The following PI4KA variants were observed in gnomAD, a reference collection of about 807,000 sequenced individuals.
PI4KA encodes the protein phosphatidylinositol 4-kinase alpha, also known as PI4-kinase alpha.
Under a neutral mutation model 271.4 loss-of-function variants are expected in PI4KA, and 122 were observed. That is an observed-to-expected ratio of 0.45 (90% CI 0.39 to 0.52). The LOEUF is 0.52. Ranked by LOEUF, PI4KA falls within the 20% of genes least tolerant of loss-of-function variation. The probability of loss-of-function intolerance (pLI) is 0.00; values close to 1 mark genes in which losing one functional copy is unlikely to be tolerated. For synonymous variants in PI4KA, 1,041 were observed against 1,078.8 expected (o/e 0.96, Z 0.69); for missense variants, 1,969 against 2,769.1 (o/e 0.71, Z 6.48).
intron 27 of PI4KA, among the ~76,000 whole-genome samples, chr22:20,751,003 G>A (rs1391824435): frequency 6.6e-6 from 1 of 152,218 alleles, no homozygotes; most frequent in Admixed American, 6.5e-5. Context: ...TAAACTGGCT[G>A]GTAGCTGAAG....
intron 19 of PI4KA, among the ~76,000 whole-genome samples, chr22:20,789,473 G>A (rs961929714): frequency 6.6e-6 from 1 of 152,192 alleles, no homozygotes; most frequent in Non-Finnish European, 1.5e-5. Flanking sequence ...GGGACTACAG[G>A]CACGTGCCAC....
chr22:20,764,656 A>G, intron 22 of PI4KA, 161 bp downstream of exon 22: 1 of 616,244 alleles, frequency 1.6e-6, no homozygotes, highest in South Asian at 2.3e-5. Flanking sequence ...GTCATGAAGG[A>G]GGGGCATACG....
intron 42 of PI4KA, among the ~76,000 whole-genome samples, chr22:20,723,995 C>A (rs971904762): frequency 6.6e-6 from 1 of 151,792 alleles, no homozygotes; most frequent in Non-Finnish European, 1.5e-5. Context: ...CCCGCCATCA[C>A]ACCTGGCTAA....
At chr22:20,799,939 G>A (rs1935203052) in intron 14 of PI4KA, among the ~76,000 whole-genome samples, 173 bp from the exon 15 acceptor site, 1 of 152,168 alleles carries the variant, frequency 6.6e-6, no homozygotes, top group Non-Finnish European at 1.5e-5. Flanking sequence ...TCCAGATTTT[G>A]CCCACTTGAT....
chr22:20,847,327 TA>T (rs1926394995), intron 1 of PI4KA, among the ~76,000 whole-genome samples: 1 of 151,962 alleles, frequency 6.6e-6, no homozygotes, highest in Admixed American at 6.6e-5. Flanking sequence ...AAAACAACTG[TA>T]ATAATCCCAG....
chr22:20,751,487 C>G, intron 26 of PI4KA, 111 bp from the exon 27 acceptor site: 1 of 1,025,298 alleles, frequency 9.8e-7, no homozygotes, highest in Non-Finnish European at 1.5e-6. Context: ...GGCCTCCATA[C>G]TTGATGCAAC....
chr22:20,781,935 T>G (rs556264866), intron 19 of PI4KA, among the ~76,000 whole-genome samples: 6 of 152,342 alleles, frequency 3.9e-5, no homozygotes, highest in Admixed American at 3.3e-4. Context: ...CCATAAGCGA[T>G]GGCAATGCAA....
In PI4KA at chr22:20,751,122, C is replaced by G. The variant is rs986177419; in HGVS notation, c.3153+171G>C. 4.6e-5 allele frequency among the ~76,000 whole-genome samples: 7 copies of G among 152,044 alleles called. No individual in the cohort carries two copies. The East Asian group carries it at 1.3e-3, about 29-fold the overall frequency. The stretch of plus-strand genomic sequence containing the variant: ...GGGGGCAGCCAGCTCCCCTTGCACT[C>G]GGTGGAGCCTGGCAATGGCTTGGTC... On this transcript the variant is annotated intron_variant, in intron 27 of 54. Transcript: ENST00000255882.
At chr22:20,786,316 C>T (rs552601640) in intron 19 of PI4KA, among the ~76,000 whole-genome samples, 13 of 152,254 alleles carry the variant, frequency 8.5e-5, no homozygotes, top group South Asian at 2.1e-4. Context: ...TTCATGGATG[C>T]CAGCTGGAGA....
intron 29 of PI4KA, 50 bp from the exon 30 acceptor site, chr22:20,744,770 T>C (rs762124582): frequency 6.9e-7 from 1 of 1,459,146 alleles, no homozygotes; most frequent in East Asian, 2.3e-5. Flanking sequence ...TATCCTTTCC[T>C]CGTGTTTACC....
In PI4KA at chr22:20,753,189, A is replaced by G. The variant is rs1403195011; in HGVS notation, c.2792-9T>C. On this transcript the variant is annotated splice_polypyrimidine_tract_variant and intron_variant, in intron 23 of 54. Coordinates refer to ENST00000255882, the MANE Select transcript of PI4KA (RefSeq NM_058004.4). The stretch of plus-strand genomic sequence containing the variant: ...CACACACTGCATCATCCCTGAAACG[A>G]GAAGGTTTCCATGGATAAGGTGCAG... The G allele has an allele frequency of 6.2e-7, 1 of 1,611,418 alleles. No homozygotes were observed. Among genetic ancestry groups the G allele is most frequent in the Non-Finnish European group, 8.5e-7 (1 of 1,178,938 alleles).
At chr22:20,857,523 C>T (rs1009326820) in intron 1 of PI4KA, among the ~76,000 whole-genome samples, 2 of 152,198 alleles carry the variant, frequency 1.3e-5, no homozygotes, top group Admixed American at 1.3e-4. Context: ...CGGAAAACAT[C>T]CTCTCTCCAT....
In PI4KA at chr22:20,779,685, C is replaced by T. The variant is rs763575491; in HGVS notation, c.2328+13508G>A. The T allele has an allele frequency of 3.2e-5, 51 of 1,614,042 alleles. No individual in the cohort carries two copies. The Middle Eastern group carries it at 6.6e-4, about 21-fold the overall frequency. On this transcript the variant is annotated intron_variant, in intron 19 of 54. Coordinates refer to ENST00000255882, the MANE Select transcript of PI4KA (RefSeq NM_058004.4). ...TTTTCATGGCAAGAGCCGGATCCAG[C>T]GTCTTAACATCCTCAACGCCAAGTT...
At chr22:20,808,581 C>G (rs1252823379) in intron 9 of PI4KA, among the ~76,000 whole-genome samples, 1 of 128,248 alleles carries the variant, frequency 7.8e-6, no homozygotes, top group Admixed American at 8.1e-5. Context: ...CAGAGTGAGA[C>G]TCCGTCTCAA....
intron 19 of PI4KA, chr22:20,787,288 CTG>C (rs1934326672): frequency 1.7e-6 from 1 of 580,558 alleles, no homozygotes; most frequent in Non-Finnish European, 3.1e-6. Flanking sequence ...GTCACTGTAA[CTG>C]TAGTGTGTCT....
At chr22:20,795,582 G>C (rs1934932829) in intron 18 of PI4KA, among the ~76,000 whole-genome samples, 2 of 152,072 alleles carry the variant, frequency 1.3e-5, no homozygotes, top group Non-Finnish European at 1.5e-5. Flanking sequence ...AAATTTTAAG[G>C]GTTATTCCTA....
At chr22:20,756,602 A>G (rs1457364493) in intron 23 of PI4KA, among the ~76,000 whole-genome samples, 1 of 151,848 alleles carries the variant, frequency 6.6e-6, no homozygotes, top group Non-Finnish European at 1.5e-5. Flanking sequence ...GATGCCAATC[A>G]ATGTCATGTA....
At chr22:20,776,659 G>T (rs1038899199) in intron 19 of PI4KA, among the ~76,000 whole-genome samples, 8 of 152,208 alleles carry the variant, frequency 5.3e-5, no homozygotes, top group African/African-American at 1.7e-4. Context: ...AAGGCTGAGC[G>T]CTTGATGTGG....
intron 43 of PI4KA, among the ~76,000 whole-genome samples, chr22:20,719,867 A>G (rs1416419462): frequency 6.6e-6 from 1 of 152,020 alleles, no homozygotes; most frequent in Non-Finnish European, 1.5e-5. Context: ...TCTACTGAAA[A>G]TACAAAAAAA....
Sources: allele counts gnomAD v4.1 joint callset (sites outside exome capture counted in the v4.1 genomes callset), GRCh38; gene constraint gnomAD v4.1.1; transcripts MANE v1.5; gene names NCBI Gene and HGNC (gene_info 2026-07-23, HGNC 2026-07-21).